Variants in CERS6 observed in about 807,000 individuals in gnomAD.
The protein encoded by CERS6 is ceramide synthase 6, also known as LAG1 homolog, ceramide synthase 6.
CERS6 carries 26 observed loss-of-function variants against 56.8 expected under a neutral mutation model. The ratio of observed to expected loss-of-function variants is 0.46; its 90% confidence interval spans 0.34 to 0.63. The LOEUF is 0.63. CERS6 is among the 30% of genes least tolerant of loss of function. The pLI is 0.01. For missense variants in CERS6, 415 were observed against 467.5 expected, an observed-to-expected ratio of 0.89 and a Z score of 1.04; for synonymous variants, 164 against 173.3, an observed-to-expected ratio of 0.95 and a Z score of 0.42.
intron 3 of CERS6, among the ~76,000 whole-genome samples, chr2:168,571,640 T>C (rs1303868683): frequency 6.6e-6 from 1 of 152,140 alleles, no homozygotes; most frequent in Admixed American, 6.6e-5. Context: ...CTAAAAGCAA[T>C]TGGAGCCAAC....
chr2:168,466,576 T>G (rs1693884937), intron 1 of CERS6, among the ~76,000 whole-genome samples: 1 of 152,256 alleles, frequency 6.6e-6, no homozygotes, highest in African/African-American at 2.4e-5. Flanking sequence ...TACATATTAT[T>G]CAACAGTAGT....
At chr2:168,652,898 T>C (rs568795810) in intron 4 of CERS6, among the ~76,000 whole-genome samples, 9 of 152,360 alleles carry the variant, frequency 5.9e-5, no homozygotes, top group African/African-American at 2.2e-4. Flanking sequence ...TGAAGAGTCA[T>C]GTTGAAGAGA....
chr2:168,543,494 T>C (rs1558991043), intron 1 of CERS6, among the ~76,000 whole-genome samples: 1 of 55,706 alleles, frequency 1.8e-5, no homozygotes, highest in Non-Finnish European at 4.5e-5. Flanking sequence ...TTTTACATGG[T>C]CTAATGGACC....
At chr2:168,716,025 A>G (rs898650721) in intron 7 of CERS6, among the ~76,000 whole-genome samples, 6 of 152,140 alleles carry the variant, frequency 3.9e-5, no homozygotes, top group African/African-American at 1.2e-4. Context: ...CATGCCCTCA[A>G]ATAATGACCT....
chr2:168,668,627 T>A (rs956535536), intron 4 of CERS6, among the ~76,000 whole-genome samples: 1 of 151,840 alleles, frequency 6.6e-6, no homozygotes, highest in Admixed American at 6.6e-5. Flanking sequence ...TTTTTCTTAA[T>A]TTTTTTAGTA....
At chr2:168,600,937 T>A (rs1683919373) in intron 3 of CERS6, among the ~76,000 whole-genome samples, 1 of 152,194 alleles carries the variant, frequency 6.6e-6, no homozygotes, top group Admixed American at 6.5e-5. Flanking sequence ...ACCAATAAAC[T>A]ACAAAATATT....
chr2:168,678,484 A>G (rs1686124743), intron 4 of CERS6, among the ~76,000 whole-genome samples: 1 of 152,184 alleles, frequency 6.6e-6, no homozygotes, highest in African/African-American at 2.4e-5. Context: ...ATTTTGGTTT[A>G]TTGTTTTAAG....
At chr2:168,632,597 G>T (rs903127573) in intron 4 of CERS6, among the ~76,000 whole-genome samples, 3 of 152,166 alleles carry the variant, frequency 2.0e-5, no homozygotes, top group African/African-American at 7.2e-5. Context: ...TTCTCAACTG[G>T]AGTAAATAAA....
At chr2:168,530,234 T>C (rs1695141487) in intron 1 of CERS6, among the ~76,000 whole-genome samples, 1 of 152,156 alleles carries the variant, frequency 6.6e-6, no homozygotes, top group Admixed American at 6.5e-5. Flanking sequence ...TCGCATTCAG[T>C]GAGGTACAGT....
chr2:168,669,263 A>T (rs1032105385), intron 4 of CERS6, among the ~76,000 whole-genome samples: 1 of 152,200 alleles, frequency 6.6e-6, no homozygotes, highest in East Asian at 1.9e-4. Flanking sequence ...CACATCAATG[A>T]AACAATTCCC....
chr2:168,546,971 T>C (rs1695477140), intron 1 of CERS6, among the ~76,000 whole-genome samples: 2 of 152,206 alleles, frequency 1.3e-5, no homozygotes, highest in South Asian at 2.1e-4. Flanking sequence ...AAAAACAGTT[T>C]TGTGGATGTT....
intron 8 of CERS6, among the ~76,000 whole-genome samples, chr2:168,756,706 G>A (rs887227500): frequency 2.0e-5 from 3 of 152,128 alleles, no homozygotes; most frequent in Non-Finnish European, 4.4e-5. Flanking sequence ...GGGACGGATC[G>A]GCTCTGAGCA....
intron 4 of CERS6, among the ~76,000 whole-genome samples, chr2:168,641,660 G>A (rs1035905003): frequency 1.8e-4 from 28 of 152,130 alleles, no homozygotes; most frequent in Admixed American, 7.9e-4. Context: ...TATATGTAAA[G>A]CACCTTGTTT....
At chr2:168,682,598 C>CT (rs1322146550) in intron 4 of CERS6, among the ~76,000 whole-genome samples, 2 of 152,146 alleles carry the variant, frequency 1.3e-5, no homozygotes, top group African/African-American at 4.8e-5. Flanking sequence ...TATTTCTGCT[C>CT]TTTCTCCAGA....
At chr2:168,498,654 T>G (rs1368441369) in intron 1 of CERS6, among the ~76,000 whole-genome samples, 3 of 152,158 alleles carry the variant, frequency 2.0e-5, no homozygotes, top group African/African-American at 7.2e-5. Context: ...TATCAAAAGA[T>G]GAAGCAAAGG....
intron 1 of CERS6, among the ~76,000 whole-genome samples, chr2:168,487,414 A>G (rs996946663): frequency 6.6e-6 from 1 of 152,196 alleles, no homozygotes; most frequent in Non-Finnish European, 1.5e-5. Context: ...CAAGGCTGCA[A>G]TTTCATAGAG....
intron 8 of CERS6, among the ~76,000 whole-genome samples, chr2:168,742,181 A>G (rs560875036): frequency 6.6e-6 from 1 of 152,332 alleles, no homozygotes; most frequent in South Asian, 2.1e-4. Context: ...ATTAGTCTCA[A>G]TGTGATGTTT....
chr2:168,645,142 T>TATATAGAGAG (rs753700977), intron 4 of CERS6, among the ~76,000 whole-genome samples: 5 of 12,746 alleles, frequency 3.9e-4, no homozygotes, highest in African/African-American at 5.4e-4. Context: ...TATATATATA[T>TATATAGAGAG]AGAGAGAGAG....
chr2:168,491,264 C>T (rs535920534), intron 1 of CERS6, among the ~76,000 whole-genome samples: 1 of 152,326 alleles, frequency 6.6e-6, no homozygotes, highest in African/African-American at 2.4e-5. Context: ...ATACTTAAAA[C>T]TAAGGAGTGC....
Sources: allele counts gnomAD v4.1 joint callset (sites outside exome capture counted in the v4.1 genomes callset), GRCh38; gene constraint gnomAD v4.1.1; transcripts MANE v1.5; gene names NCBI Gene and HGNC (gene_info 2026-07-23, HGNC 2026-07-21).